Variants in TRAPPC10 observed in about 807,000 individuals in gnomAD.
TRAPPC10 encodes the protein trafficking protein particle complex subunit 10, also known as TRAPP 130 kDa subunit.
A neutral mutation model predicts 125.5 loss-of-function variants in TRAPPC10; 23 were observed. The ratio of observed to expected loss-of-function variants is 0.18; its 90% confidence interval spans 0.13 to 0.26. The LOEUF (loss-of-function observed/expected upper bound fraction) is 0.26, where lower values mean the gene tolerates loss of function less well. Ranked by LOEUF, TRAPPC10 falls within the 10% of genes least tolerant of loss-of-function variation. The probability of loss-of-function intolerance (pLI) is 1.00; values close to 1 mark genes in which losing one functional copy is unlikely to be tolerated. For synonymous variants in TRAPPC10, 509 were observed against 518.0 expected (o/e 0.98, Z 0.24); for missense variants, 1,123 against 1,308.4 (o/e 0.86, Z 2.19).
chr21:44,063,510 G>A lies in TRAPPC10; in HGVS notation c.791-28G>A. The A allele has an allele frequency of 1.2e-6, 2 of 1,609,748 alleles. No individual in the cohort carries two copies. Among genetic ancestry groups the A allele is most frequent in the East Asian group, 2.2e-5 (1 of 44,830 alleles). ...CAGGAAGGTGAAGTACCTGCAATCA[G>A]CACCTTTCATGATGTGTGTTTGTTT... is the stretch of plus-strand genomic sequence containing the variant. On this transcript the variant is annotated intron_variant, in intron 6 of 22. Transcript: ENST00000291574. This position sits in a 1 kb window ranked among gnomAD's most constrained non-coding sequence, Gnocchi z 4.4.
chr21:44,016,202 C>G (rs1418706589), intron 1 of TRAPPC10, among the ~76,000 whole-genome samples: 1 of 152,158 alleles, frequency 6.6e-6, no homozygotes, highest in Non-Finnish European at 1.5e-5. Flanking sequence ...CCAGCAGATC[C>G]ATTTGGTCTA....
At chr21:44,079,940 T>G in intron 12 of TRAPPC10, 75 bp from the exon 13 acceptor site, 1 of 1,356,166 alleles carries the variant, frequency 7.4e-7, no homozygotes, top group Non-Finnish European at 1.0e-6. Flanking sequence ...GTGAAGGCCG[T>G]AGGAGACTTT....
At chr21:44,077,612 T>A in intron 10 of TRAPPC10, 81 bp from the exon 11 acceptor site, 2 of 1,099,706 alleles carry the variant, frequency 1.8e-6, no homozygotes, top group Non-Finnish European at 2.7e-6. Flanking sequence ...ATGTCTTTTG[T>A]GTGAGCTTTA....
At chr21:44,027,660 G>A (rs1569145739) in intron 1 of TRAPPC10, among the ~76,000 whole-genome samples, 2 of 152,182 alleles carry the variant, frequency 1.3e-5, no homozygotes, top group Non-Finnish European at 2.9e-5. Flanking sequence ...TGCGTGAAGT[G>A]CCGGGGGCAT....
intron 20 of TRAPPC10, among the ~76,000 whole-genome samples, chr21:44,095,029 T>A (rs934001078): frequency 8.1e-5 from 12 of 148,756 alleles, no homozygotes; most frequent in African/African-American, 2.9e-4. Context: ...TAGTATATAT[T>A]ATAATAATAA....
At chr21:44,013,604 C>T (rs2031445872) in intron 1 of TRAPPC10, among the ~76,000 whole-genome samples, 1 of 152,188 alleles carries the variant, frequency 6.6e-6, no homozygotes, top group Admixed American at 6.5e-5. Flanking sequence ...TGCTGTGTTC[C>T]TTCCTGTTAG....
rs1236066558 is a variant in TRAPPC10 at position 44,055,963 on chromosome 21, CCTTT to C, written c.678+77_678+80del. On this transcript the variant is annotated intron_variant, in intron 5 of 22. Coordinates refer to ENST00000291574, the MANE Select transcript of TRAPPC10 (RefSeq NM_003274.5). ...CTCCTTTGTTCCCTCCCTCTCTCCT[CCTTT>C]CTTTCTAAGTAAGGCACCTCTCGTG... 3.7e-6 allele frequency: 5 copies of C among 1,354,240 alleles called. No individual in the cohort carries two copies. The African/African-American group carries it at 4.3e-5, about 12-fold the overall frequency. 83.9% of individuals were successfully genotyped at this position (1,354,240 alleles called of 1,614,324 possible).
At chr21:44,094,969 A>G (rs963706785) in intron 20 of TRAPPC10, among the ~76,000 whole-genome samples, 2 of 151,086 alleles carry the variant, frequency 1.3e-5, no homozygotes, top group Admixed American at 6.6e-5. Flanking sequence ...ATAAATTTAA[A>G]TGAATAAATA....
intron 1 of TRAPPC10, among the ~76,000 whole-genome samples, chr21:44,016,976 C>A (rs1379808204): frequency 6.6e-6 from 1 of 152,188 alleles, no homozygotes; most frequent in Non-Finnish European, 1.5e-5. Flanking sequence ...TTTAAATTTG[C>A]ACATTGAAAT....
rs370244339 is a variant in TRAPPC10 at position 44,012,608 on chromosome 21, G to A, written c.67+48G>A. ...GGCGCGGCGGTCGTTGGGCGGGCCC[G>A]GGCCCTGGCGTTATGCACCCGGCGC... On this transcript the variant is annotated intron_variant, in intron 1 of 22. Coordinates refer to ENST00000291574, the MANE Select transcript of TRAPPC10 (RefSeq NM_003274.5). 1,436 of 1,490,594 alleles carry A rather than the reference G, an allele frequency of 9.6e-4. 16 individuals carry two copies. In the African/African-American group the frequency reaches 0.018, roughly 19 times the overall value. The allele number at this position is 1,490,594 out of a possible 1,614,324, so 92.3% of individuals were successfully genotyped here.
chr21:44,089,910 C>T lies in TRAPPC10; in HGVS notation c.2847C>T (p.His949=). The change falls in exon 18 of 23, where the codon CAC becomes CAT. Residue 949 remains histidine, a synonymous_variant. Coordinates refer to ENST00000291574, the MANE Select transcript of TRAPPC10 (RefSeq NM_003274.5). ...TCAGCGTACCCTTCAGGACCACACA[C>T]AGCCTCCTGTCCTCAGGAACACGGT... The part of the protein sequence containing the change: ...LTFSVPFRTT[H]SLLSSGTRKY... 1 of 1,613,872 alleles carries T rather than the reference C, an allele frequency of 6.2e-7. No individual in the cohort carries two copies. Among genetic ancestry groups the T allele is most frequent in the East Asian group, 2.2e-5 (1 of 44,874 alleles).
chr21:44,027,172 C>A (rs954478135), intron 1 of TRAPPC10, among the ~76,000 whole-genome samples: 2 of 152,136 alleles, frequency 1.3e-5, no homozygotes, highest in Non-Finnish European at 2.9e-5. Flanking sequence ...TATTCAGACT[C>A]CTTATGTCAA....
At chr21:44,050,042 G>A (rs2035131352) in intron 3 of TRAPPC10, among the ~76,000 whole-genome samples, 1 of 151,968 alleles carries the variant, frequency 6.6e-6, no homozygotes, top group South Asian at 2.1e-4. Flanking sequence ...ACCACGCATG[G>A]CTATTTTTCT....
At chr21:44,040,314 T>C (rs1430814291) in intron 3 of TRAPPC10, among the ~76,000 whole-genome samples, 2 of 152,186 alleles carry the variant, frequency 1.3e-5, no homozygotes, top group Non-Finnish European at 2.9e-5. Context: ...TTTTACACTT[T>C]ATTTTATTAG....
At chr21:44,028,692 A>G (rs1296077315) in intron 1 of TRAPPC10, among the ~76,000 whole-genome samples, 1 of 152,246 alleles carries the variant, frequency 6.6e-6, no homozygotes, top group Non-Finnish European at 1.5e-5. Flanking sequence ...CACCAAAAAA[A>G]GGAGACCTTA....
chr21:44,026,157 T>C (rs1489329267), intron 1 of TRAPPC10, among the ~76,000 whole-genome samples: 3 of 152,070 alleles, frequency 2.0e-5, no homozygotes, highest in African/African-American at 7.2e-5. Flanking sequence ...ACCTAGAGAA[T>C]CTGGATAACA....
intron 1 of TRAPPC10, among the ~76,000 whole-genome samples, chr21:44,014,201 A>G (rs772843358): frequency 6.6e-6 from 1 of 152,212 alleles, no homozygotes; most frequent in East Asian, 1.9e-4. Flanking sequence ...GCTCTATTGG[A>G]TTCAACCATA....
chr21:44,078,440 TAAAAA>T (rs34659269), intron 11 of TRAPPC10, among the ~76,000 whole-genome samples: 12 of 126,058 alleles, frequency 9.5e-5, no homozygotes, highest in African/African-American at 1.4e-4. Flanking sequence ...TTTCATTTTC[TAAAAA>T]AAAAAAAAAA....
At chr21:44,017,737 GT>G (rs911795970) in intron 1 of TRAPPC10, among the ~76,000 whole-genome samples, 35 of 146,048 alleles carry the variant, frequency 2.4e-4, no homozygotes, top group East Asian at 5.9e-4. Flanking sequence ...TCTCCCTTTG[GT>G]TTTTTTTTTT....
Sources: gnomAD v4.1 joint callset for allele counts (sites outside exome capture counted in the v4.1 genomes callset) on GRCh38, gnomAD v4.1.1 for gene constraint, Gnocchi (gnomAD v3.1) non-coding constraint, MANE v1.5 for transcripts, NCBI Gene and HGNC (gene_info 2026-07-23, HGNC 2026-07-21) for gene names.